CAMK4: variants seen among roughly 807,000 people sequenced by gnomAD.
CAMK4 encodes the protein calcium/calmodulin dependent protein kinase IV.
In CAMK4, 22 loss-of-function variants were observed where a neutral mutation model predicts 44.9. The observed-to-expected ratio is 0.49, with a 90% CI of 0.35 to 0.70. The LOEUF (loss-of-function observed/expected upper bound fraction) is 0.70. Among genes scored for constraint, CAMK4 ranks in the 30% least tolerant of loss-of-function variants. The probability of loss-of-function intolerance (pLI) is 0.01; values close to 1 mark genes in which losing one functional copy is unlikely to be tolerated. For missense variants in CAMK4, 498 were observed against 586.8 expected, an observed-to-expected ratio of 0.85 and a Z score of 1.56; for synonymous variants, 218 against 215.4, an observed-to-expected ratio of 1.01 and a Z score of -0.11.
At chr5:111,226,874 A>G (rs1201518823) in intron 1 of CAMK4, among the ~76,000 whole-genome samples, 1 of 152,242 alleles carries the variant, frequency 6.6e-6, no homozygotes, top group Non-Finnish European at 1.5e-5. Flanking sequence ...CACCATCATA[A>G]AAGTCGAAAA....
intron 7 of CAMK4, among the ~76,000 whole-genome samples, chr5:111,462,012 C>T (rs1181866562): frequency 1.3e-5 from 2 of 152,140 alleles, no homozygotes; most frequent in Admixed American, 1.3e-4. Flanking sequence ...CTGGCCTCTA[C>T]CTGCCTCACA....
intron 2 of CAMK4, among the ~76,000 whole-genome samples, chr5:111,350,504 C>A (rs1012366898): frequency 2.0e-5 from 3 of 151,862 alleles, no homozygotes; most frequent in Non-Finnish European, 4.4e-5. Context: ...GATTTCCCAT[C>A]CTGTGACCTT....
rs1755842634 is a variant in CAMK4, at chr5:111,491,723, C to A, written c.*7257C>A. The A allele has an allele frequency of 6.6e-6, 1 of 152,138 alleles. No individual in the cohort carries two copies. The highest frequency in any genetic ancestry group is 6.6e-5 in the Admixed American group (1 of 15,256). 9.4% of individuals were successfully genotyped at this position (152,138 alleles called of 1,614,324 possible). A position where few individuals can be genotyped will look rare whatever the true frequency, so the allele number is the denominator to read the frequency against. On this transcript the variant is annotated 3_prime_UTR_variant, in exon 11 of 11. Transcript: ENST00000282356. ...ACATTTAAAATTATGTAAATGACAT[C>A]TTTCACTGGCATTTGCTCACATTTA...
At chr5:111,438,576 T>A (rs1753724652) in intron 5 of CAMK4, among the ~76,000 whole-genome samples, 1 of 152,146 alleles carries the variant, frequency 6.6e-6, no homozygotes, top group South Asian at 2.1e-4. Context: ...TTAATCATAA[T>A]TTTTTACATT....
chr5:111,410,545 G>A (rs1752596732), intron 5 of CAMK4, among the ~76,000 whole-genome samples: 1 of 152,134 alleles, frequency 6.6e-6, no homozygotes, highest in Non-Finnish European at 1.5e-5. Context: ...ATTGTTTATT[G>A]GAGGATGGGT....
intron 5 of CAMK4, among the ~76,000 whole-genome samples, chr5:111,443,271 T>TAC (rs1753896432): frequency 1.9e-5 from 1 of 52,992 alleles, no homozygotes; most frequent in African/African-American, 7.7e-5. Flanking sequence ...TATATATATA[T>TAC]ATATATATAC....
rs963454674 is a variant in CAMK4 at position 111,329,917 on chromosome 5, C to T, written c.162-14107C>T. Reference sequence around the variant, plus strand: ...ATTGATGAAAAACTGAATGCTTTCACTTTAAGATCAGGAATAAGGCAAGGA... The same window carrying T: ...ATTGATGAAAAACTGAATGCTTTCATTTTAAGATCAGGAATAAGGCAAGGA... On this transcript the variant is annotated intron_variant, in intron 1 of 10. Coordinates refer to ENST00000282356, the MANE Select transcript of CAMK4 (RefSeq NM_001744.6). Among the ~76,000 whole-genome samples the T allele has an allele frequency of 7.8e-4, 119 of 151,730 alleles. 1 individual carries two copies. The highest frequency in any genetic ancestry group is 2.7e-4 in the Non-Finnish European group (18 of 67,852).
chr5:111,449,537 C>G (rs1754155624), intron 7 of CAMK4: 1 of 165,866 alleles, frequency 6.0e-6, no homozygotes, highest in Non-Finnish European at 1.3e-5. Flanking sequence ...CCCTTTGTCA[C>G]TTTTCTTTGC....
intron 5 of CAMK4, among the ~76,000 whole-genome samples, chr5:111,420,174 G>A (rs1338428691): frequency 2.0e-5 from 3 of 151,222 alleles, no homozygotes; most frequent in Admixed American, 6.6e-5. Context: ...TTGTAAGTTG[G>A]ATTCCTAGGT....
intron 5 of CAMK4, among the ~76,000 whole-genome samples, chr5:111,446,242 A>G (rs1299318649): frequency 6.6e-6 from 1 of 152,238 alleles, no homozygotes; most frequent in African/African-American, 2.4e-5. Flanking sequence ...TAAAATACTC[A>G]CATCTATATG....
At chr5:111,460,549 G>A (rs932100777) in intron 7 of CAMK4, among the ~76,000 whole-genome samples, 2 of 152,118 alleles carry the variant, frequency 1.3e-5, no homozygotes, top group African/African-American at 4.8e-5. Context: ...CTTAACACGA[G>A]ACACTTTAAA....
intron 5 of CAMK4, among the ~76,000 whole-genome samples, chr5:111,397,692 T>TGTGTG (rs60087560): frequency 1.3e-5 from 1 of 75,760 alleles, no homozygotes; most frequent in South Asian, 4.2e-4. Flanking sequence ...TGTGTGTGTG[T>TGTGTG]TTGCAGTTTA....
chr5:111,438,270 A>C (rs1753713682), intron 5 of CAMK4, among the ~76,000 whole-genome samples: 1 of 152,214 alleles, frequency 6.6e-6, no homozygotes, highest in African/African-American at 2.4e-5. Context: ...CTTGGAGCTT[A>C]AGAAACAACA....
intron 1 of CAMK4, among the ~76,000 whole-genome samples, chr5:111,249,327 G>A (rs1749375062): frequency 6.6e-6 from 1 of 151,612 alleles, no homozygotes; most frequent in Admixed American, 6.6e-5. Flanking sequence ...TTGAGACAAT[G>A]GCCTGAAAAC....
At chr5:111,356,686 T>A (rs1447459984) in intron 2 of CAMK4, among the ~76,000 whole-genome samples, 1 of 152,152 alleles carries the variant, frequency 6.6e-6, no homozygotes, top group African/African-American at 2.4e-5. Flanking sequence ...TTGTATAAGG[T>A]GTAAGGAAGG....
chr5:111,484,463 C>G lies in CAMK4; in HGVS notation c.1419C>G (p.Tyr473Ter), dbSNP rs1281611760. The G allele has an allele frequency of 2.0e-6, 3 of 1,503,012 alleles. No homozygotes were observed. The Admixed American group carries it at 6.9e-5, about 34-fold the overall frequency. The allele number at this position is 1,503,012 out of a possible 1,614,324, so 93.1% of individuals were successfully genotyped here. Residue 473 changes from tyrosine (Y) to a stop codon, truncating the protein, a stop_gained, in exon 11 of 11, where the codon TAC becomes TAG. Transcript: ENST00000282356. LOFTEE classifies it high-confidence loss of function. This position sits in a 1 kb window ranked among gnomAD's most constrained non-coding sequence, Gnocchi z 5.3. ...VPQQDVILPE[Y>*] ...AGCAAGATGTGATCCTGCCAGAGTA[C>G]TAAACAGCTTCCTTCAGATCTGGAA...
chr5:111,451,291 TAGA>T (rs1183309953), intron 7 of CAMK4, among the ~76,000 whole-genome samples: 1 of 152,096 alleles, frequency 6.6e-6, no homozygotes, highest in Non-Finnish European at 1.5e-5. Flanking sequence ...GTTTTATTCA[TAGA>T]AGTATTTATC....
intron 5 of CAMK4, among the ~76,000 whole-genome samples, chr5:111,405,491 G>T (rs775260087): frequency 6.6e-6 from 1 of 151,900 alleles, no homozygotes; most frequent in Non-Finnish European, 1.5e-5. Context: ...CAAAAAAAAA[G>T]ACGAAGTTTA....
At chr5:111,369,291 C>G (rs1398311985) in intron 2 of CAMK4, among the ~76,000 whole-genome samples, 3 of 152,062 alleles carry the variant, frequency 2.0e-5, no homozygotes, top group African/African-American at 7.2e-5. Context: ...TCTCAAACTC[C>G]TGGCTCCAAG....
Sources: allele counts gnomAD v4.1 joint callset (sites outside exome capture counted in the v4.1 genomes callset), GRCh38; gene constraint gnomAD v4.1.1; non-coding constraint Gnocchi (gnomAD v3.1); transcripts MANE v1.5; gene names NCBI Gene and HGNC (gene_info 2026-07-23, HGNC 2026-07-21).